CNTNAP5: variants seen among roughly 807,000 people sequenced by gnomAD.
CNTNAP5 encodes the protein contactin associated protein family member 5.
A neutral mutation model predicts 150.2 loss-of-function variants in CNTNAP5; 72 were observed. That is an observed-to-expected ratio of 0.48 (90% CI 0.40 to 0.58). The LOEUF (loss-of-function observed/expected upper bound fraction) is 0.58, where lower values mean the gene tolerates loss of function less well. CNTNAP5 is among the 20% of genes least tolerant of loss of function. CNTNAP5 has a pLI of 0.00. For synonymous variants in CNTNAP5, 672 were observed against 619.8 expected (o/e 1.08, Z -1.25); for missense variants, 1,636 against 1,626.2 (o/e 1.01, Z -0.10).
At position 124,504,429 on chromosome 2, in the gene CNTNAP5, C is replaced by G. The variant is rs1228446229; in HGVS notation, c.1200C>G (p.Asn400Lys). The change falls in exon 8 of 24, where the codon AAC becomes AAG. Residue 400 changes from asparagine to lysine, a missense_variant. Asn to Lys is a moderately conservative substitution (Grantham distance 94). Coordinates refer to ENST00000682447, the MANE Select transcript of CNTNAP5 (RefSeq NM_001367498.1). ...LSVSFQFRTW[N>K]KDGLLLSTEL... Reference sequence around the variant, plus strand: ...TGAGTTTCCAGTTTCGAACATGGAACAAGGATGGTCTGCTTCTGTCCACAG... The same window carrying G: ...TGAGTTTCCAGTTTCGAACATGGAAGAAGGATGGTCTGCTTCTGTCCACAG... The G allele has an allele frequency of 6.2e-7, 1 of 1,613,910 alleles. No individual in the cohort carries two copies. The highest frequency in any genetic ancestry group is 1.3e-5 in the African/African-American group (1 of 75,038).
chr2:124,136,398 A>C (rs1468987153), intron 1 of CNTNAP5, among the ~76,000 whole-genome samples: 1 of 152,216 alleles, frequency 6.6e-6, no homozygotes, highest in East Asian at 1.9e-4. Flanking sequence ...AAGTTAAAAA[A>C]ATCATAGATT....
chr2:124,247,288 C>T (rs1218095459), intron 3 of CNTNAP5, among the ~76,000 whole-genome samples: 1 of 151,904 alleles, frequency 6.6e-6, no homozygotes, highest in Admixed American at 6.6e-5. Flanking sequence ...TTTAAGCTCT[C>T]ATTATATGCC....
chr2:124,335,282 A>T (rs1689443835), intron 3 of CNTNAP5, among the ~76,000 whole-genome samples: 2 of 152,002 alleles, frequency 1.3e-5, no homozygotes, highest in South Asian at 4.2e-4. Flanking sequence ...TATTAAGAGA[A>T]ACTCCCCTGA....
chr2:124,036,518 C>T (rs1315129424), intron 1 of CNTNAP5, among the ~76,000 whole-genome samples: 2 of 152,006 alleles, frequency 1.3e-5, no homozygotes, highest in Non-Finnish European at 2.9e-5. Flanking sequence ...TCAACCAGGG[C>T]AGATGCTTTC....
At chr2:124,856,421 T>A (rs1403943475) in intron 19 of CNTNAP5, among the ~76,000 whole-genome samples, 1 of 152,220 alleles carries the variant, frequency 6.6e-6, no homozygotes, top group African/African-American at 2.4e-5. Context: ...CACACTATTT[T>A]CTACAATGGT....
rs769658878 is a variant in CNTNAP5 at position 124,316,258 on chromosome 2, T to G, written c.381+73865T>G. Among the ~76,000 whole-genome samples the G allele has an allele frequency of 2.8e-4, 42 of 152,184 alleles. 1 individual carries two copies. The highest frequency in any genetic ancestry group is 4.4e-5 in the Non-Finnish European group (3 of 68,032). ...GTAGCCCTGGAGTGGGTTAGTAACC[T>G]GCTGGGTGTTACAAAAGAGAACTAG... is the stretch of plus-strand genomic sequence containing the variant. On this transcript the variant is annotated intron_variant, in intron 3 of 23. Coordinates refer to ENST00000682447, the MANE Select transcript of CNTNAP5 (RefSeq NM_001367498.1).
chr2:124,812,267 A>T (rs1003564015), intron 19 of CNTNAP5, among the ~76,000 whole-genome samples: 2 of 147,910 alleles, frequency 1.4e-5, no homozygotes, highest in African/African-American at 5.0e-5. Context: ...GCTAGTAAGA[A>T]GCTCCTCATT....
intron 19 of CNTNAP5, among the ~76,000 whole-genome samples, chr2:124,812,454 G>A (rs1012213758): frequency 4.0e-5 from 6 of 151,824 alleles, no homozygotes; most frequent in South Asian, 2.1e-4. Context: ...GGAAAGGGGC[G>A]GTTGGACATA....
intron 8 of CNTNAP5, among the ~76,000 whole-genome samples, chr2:124,518,735 C>T (rs1205473433): frequency 1.3e-5 from 2 of 151,992 alleles, no homozygotes; most frequent in African/African-American, 4.8e-5. Flanking sequence ...GCCTGTAATC[C>T]TATCGCTTTG....
chr2:124,334,640 T>C (rs1026228702), intron 3 of CNTNAP5, among the ~76,000 whole-genome samples: 3 of 152,184 alleles, frequency 2.0e-5, no homozygotes, highest in Non-Finnish European at 4.4e-5. Context: ...CAGTCAGGAA[T>C]CCAGACATCC....
At position 124,881,406 on chromosome 2, in the gene CNTNAP5, A is replaced by G. The variant is rs189525179; in HGVS notation, c.3436+11644A>G. Among the ~76,000 whole-genome samples the G allele has an allele frequency of 1.7e-3, 264 of 152,118 alleles. 1 individual carries two copies. The highest frequency in any genetic ancestry group is 3.4e-3 in the Non-Finnish European group (230 of 67,982). ...GAATGGAGAGGACAAGAGGAAAGGAAATTACAGCAGATTTTTCCAGTCATT... is the reference window on the plus strand; with the variant it reads ...GAATGGAGAGGACAAGAGGAAAGGAGATTACAGCAGATTTTTCCAGTCATT... On this transcript the variant is annotated intron_variant, in intron 21 of 23. Transcript: ENST00000682447.
chr2:124,242,311 C>A lies in CNTNAP5; in HGVS notation c.299C>A (p.Ser100Tyr), dbSNP rs1686907842. 1.5e-5 allele frequency: 24 copies of A among 1,613,172 alleles called. No homozygotes were observed. Among genetic ancestry groups the A allele is most frequent in the Non-Finnish European group, 1.9e-5 (23 of 1,179,678 alleles). The change falls in exon 3 of 24, where the codon TCT becomes TAT. Residue 100 changes from serine to tyrosine, a missense_variant. By Grantham distance (144) the Ser-to-Tyr change is moderately radical. Transcript: ENST00000682447. ...AVATQGRYGS[S>Y]DWVTSYSLMF... ...GCCACGCAGGGAAGATACGGAAGCT[C>A]TGACTGGGTGACGAGTTACAGCCTG...
chr2:124,071,925 T>G (rs1034468144), intron 1 of CNTNAP5, among the ~76,000 whole-genome samples: 5 of 151,456 alleles, frequency 3.3e-5, no homozygotes, highest in African/African-American at 9.7e-5. Context: ...CAAAGACACA[T>G]CAAAAAAGAA....
At chr2:124,787,848 A>C (rs1228311023) in intron 17 of CNTNAP5, among the ~76,000 whole-genome samples, 1 of 152,218 alleles carries the variant, frequency 6.6e-6, no homozygotes, top group Non-Finnish European at 1.5e-5. Flanking sequence ...ATCCACTTTG[A>C]TAAGGACACA....
chr2:124,196,202 C>T (rs554007092), intron 1 of CNTNAP5, among the ~76,000 whole-genome samples: 39 of 152,130 alleles, frequency 2.6e-4, no homozygotes, highest in African/African-American at 9.2e-4. Context: ...GGAGCTGTCA[C>T]GCAATGAAAG....
At chr2:124,432,688 C>T (rs982485656) in intron 4 of CNTNAP5, among the ~76,000 whole-genome samples, 5 of 152,050 alleles carry the variant, frequency 3.3e-5, no homozygotes, top group Admixed American at 6.5e-5. Flanking sequence ...TTGTGATGTA[C>T]GCACTCTGCA....
intron 1 of CNTNAP5, among the ~76,000 whole-genome samples, chr2:124,125,239 C>T (rs548782678): frequency 2.0e-5 from 3 of 150,912 alleles, no homozygotes; most frequent in East Asian, 1.9e-4. Context: ...AAATGGAGAA[C>T]AAAAAAAAGC....
chr2:124,564,416 C>T (rs183904968), intron 11 of CNTNAP5, among the ~76,000 whole-genome samples: 85 of 152,192 alleles, frequency 5.6e-4, no homozygotes, highest in African/African-American at 1.9e-3. Flanking sequence ...AGTCCAGTGG[C>T]ACGATCTTGG....
At chr2:124,122,543 A>G (rs1196527772) in intron 1 of CNTNAP5, among the ~76,000 whole-genome samples, 1 of 152,128 alleles carries the variant, frequency 6.6e-6, no homozygotes, top group Non-Finnish European at 1.5e-5. Flanking sequence ...GGTTCACTAA[A>G]ATGAGTTTCA....
Sources: gnomAD v4.1 joint callset for allele counts (sites outside exome capture counted in the v4.1 genomes callset) on GRCh38, gnomAD v4.1.1 for gene constraint, MANE v1.5 for transcripts, NCBI Gene and HGNC (gene_info 2026-07-23, HGNC 2026-07-21) for gene names.